BOC: variants seen among roughly 807,000 people sequenced by gnomAD.
BOC encodes BOC cell adhesion associated, oncogene regulated.
In BOC, 76 loss-of-function variants were observed where a neutral mutation model predicts 112.0. The observed-to-expected ratio is 0.68, with a 90% CI of 0.56 to 0.82. BOC has a LOEUF of 0.82. Ranked by LOEUF, BOC falls within the 40% of genes least tolerant of loss-of-function variation. The pLI is 0.00. For missense variants in BOC, 1,309 were observed against 1,511.7 expected, an observed-to-expected ratio of 0.87 and a Z score of 2.22; for synonymous variants, 580 against 599.8, an observed-to-expected ratio of 0.97 and a Z score of 0.48.
At chr3:113,237,118 T>A (rs916954855) in intron 2 of BOC, among the ~76,000 whole-genome samples, 2 of 152,178 alleles carry the variant, frequency 1.3e-5, no homozygotes, top group African/African-American at 2.4e-5. Flanking sequence ...AAATTTGAGA[T>A]GAGACCTAAA....
intron 14 of BOC, 135 bp from the exon 15 acceptor site, chr3:113,280,896 C>A: frequency 1.6e-6 from 2 of 1,227,658 alleles, no homozygotes; most frequent in South Asian, 1.4e-5. Flanking sequence ...CTCCAGCGTT[C>A]CTCCACACGC....
Position 113,279,285 on chromosome 3 carries a change from C to T in BOC, c.1853C>T (p.Ala618Val). ...EAPDRPTIST[A>V]SETSVYVTWI... ...CCCGACAGGCCCACCATCTCCACGG[C>T]CTCCGAGACCTCAGTGTACGTGACC... Residue 618 changes from alanine to valine, a missense_variant, in exon 12 of 20, where the codon GCC (alanine) becomes GTC (valine). Ala to Val is a moderately conservative substitution (Grantham distance 64). Transcript: ENST00000682979. The T allele has an allele frequency of 6.2e-7, 1 of 1,614,182 alleles. No individual in the cohort carries two copies. Among genetic ancestry groups the T allele is most frequent in the Non-Finnish European group, 8.5e-7 (1 of 1,180,026 alleles).
intron 9 of BOC, among the ~76,000 whole-genome samples, chr3:113,275,431 T>C (rs1331198900): frequency 6.6e-6 from 1 of 152,150 alleles, no homozygotes; most frequent in East Asian, 1.9e-4. Flanking sequence ...AGGCCGCCAC[T>C]CTCGCTCAAG....
At chr3:113,236,105 G>A (rs895693018) in intron 2 of BOC, among the ~76,000 whole-genome samples, 1 of 150,924 alleles carries the variant, frequency 6.6e-6, no homozygotes, top group African/African-American at 2.4e-5. Flanking sequence ...AAAAAGATAC[G>A]TGCACTTCTG....
chr3:113,266,797 A>G (rs558263369), intron 4 of BOC, among the ~76,000 whole-genome samples: 5 of 152,350 alleles, frequency 3.3e-5, no homozygotes, highest in East Asian at 3.9e-4. Flanking sequence ...AGGGACATCA[A>G]TCCTTTCACA....
At chr3:113,231,234 G>A (rs774744966) in intron 2 of BOC, among the ~76,000 whole-genome samples, 1 of 152,156 alleles carries the variant, frequency 6.6e-6, no homozygotes, top group African/African-American at 2.4e-5. Context: ...TTACAAAAGC[G>A]ATGCTACATA....
chr3:113,259,881 G>T (rs1036485886), intron 4 of BOC, among the ~76,000 whole-genome samples: 1 of 152,164 alleles, frequency 6.6e-6, no homozygotes, highest in Non-Finnish European at 1.5e-5. Context: ...CTTTCAGAAT[G>T]GTGGTCCCTC....
chr3:113,258,170 C>A (rs1044488484), intron 4 of BOC, among the ~76,000 whole-genome samples: 2 of 152,178 alleles, frequency 1.3e-5, no homozygotes, highest in African/African-American at 4.8e-5. Flanking sequence ...TTTTTAATTT[C>A]TGAGTCCTCA....
rs1476030518 is a variant in BOC, at chr3:113,278,514, A to T, written c.1706-159A>T. ...CCAGCAATAGTACCACAACAGAACC[A>T]GTCTCGGCCGAGGCTGAGCCCACAC... On this transcript the variant is annotated intron_variant, in intron 10 of 19. Transcript: ENST00000682979. The surrounding 1 kb of genome is among the most constrained non-coding windows in gnomAD (Gnocchi z 4.2). Among the ~76,000 whole-genome samples, 1 of 151,968 alleles carries T rather than the reference A, an allele frequency of 6.6e-6. No homozygotes were observed. Among genetic ancestry groups the T allele is most frequent in the Non-Finnish European group, 1.5e-5 (1 of 67,966 alleles).
rs758838020 is a variant in BOC, at chr3:113,270,791, CT to C, written c.524-7del. The C allele has an allele frequency of 1.2e-5, 19 of 1,603,666 alleles. No individual in the cohort carries two copies. The highest frequency in any genetic ancestry group is 1.7e-5 in the Admixed American group (1 of 59,232). On this transcript the variant is annotated splice_polypyrimidine_tract_variant and intron_variant, in intron 5 of 19. Coordinates refer to ENST00000682979, the MANE Select transcript of BOC (RefSeq NM_001378074.1). Reference sequence around the variant, plus strand: ...CATCCCATCTTCCCCTGGCCCTGCCCTTTCCACAGGTAACTACCTGATCATG... The same window carrying C: ...CATCCCATCTTCCCCTGGCCCTGCCCTTCCACAGGTAACTACCTGATCATG...
intron 2 of BOC, among the ~76,000 whole-genome samples, chr3:113,233,151 GTGTGTGT>G (rs1559816873): frequency 0.024 from 1,970 of 81,296 alleles, 71 homozygotes; most frequent in African/African-American, 0.13. Context: ...GGATTGGGGT[GTGTGTGT>G]GTGTGTGTGT....
chr3:113,263,454 G>A (rs546892044), intron 4 of BOC, among the ~76,000 whole-genome samples: 1 of 152,338 alleles, frequency 6.6e-6, no homozygotes, highest in East Asian at 1.9e-4. Flanking sequence ...GCGGATGGTG[G>A]CGTCTTACTT....
At chr3:113,211,345 G>A (rs1938115478), upstream of BOC, 1 of 152,290 alleles carries the variant, frequency 6.6e-6, no homozygotes, top group Non-Finnish European at 1.5e-5. Context: ...GAGAGCGCGG[G>A]TCTGAGGCAC....
chr3:113,274,942 T>G lies in BOC; in HGVS notation c.1542+260T>G, dbSNP rs776771072. ...GCATCCAGTACTAAGCTCTATGCAC[T>G]CAATTCCCAGAAGCTCACACTGGCT... On this transcript the variant is annotated intron_variant, in intron 9 of 19. Transcript: ENST00000682979. This position sits in a 1 kb window ranked among gnomAD's most constrained non-coding sequence, Gnocchi z 4.8. Among the ~76,000 whole-genome samples the G allele has an allele frequency of 5.9e-5, 9 of 152,236 alleles. No individual in the cohort carries two copies. The highest frequency in any genetic ancestry group is 9.6e-5 in the African/African-American group (4 of 41,470).
At chr3:113,218,302 A>G (rs564815661) in intron 2 of BOC, among the ~76,000 whole-genome samples, 1 of 152,352 alleles carries the variant, frequency 6.6e-6, no homozygotes, top group East Asian at 1.9e-4. Flanking sequence ...TGCCTTTACT[A>G]GTCTGAGCTC....
Position 113,279,975 on chromosome 3 carries a change from C to T in BOC, c.2175C>T (p.Val725=). The change falls in exon 13 of 20, where the codon GTC becomes GTT. Residue 725 remains valine (V), a synonymous_variant. Transcript: ENST00000682979. ...AGPYITFTDA[V]NETTIMLKWM... is the part of the protein sequence containing the mutation. ...CTTATATCACCTTCACGGATGCGGT[C>T]AATGAGACCACCATCATGCTCAAGT... The T allele has an allele frequency of 6.2e-7, 1 of 1,611,950 alleles. No individual in the cohort carries two copies. Among genetic ancestry groups the T allele is most frequent in the Non-Finnish European group, 8.5e-7 (1 of 1,178,940 alleles).
chr3:113,236,294 A>ATATACCCATGGG (rs1943525218), intron 2 of BOC, among the ~76,000 whole-genome samples: 5 of 98,918 alleles, frequency 5.1e-5, no homozygotes, highest in African/African-American at 2.6e-4. Flanking sequence ...ATATATATAT[A>ATATACCCATGGG]TATATATATA....
chr3:113,268,746 A>G (rs1415768727), intron 5 of BOC, among the ~76,000 whole-genome samples: 1 of 152,238 alleles, frequency 6.6e-6, no homozygotes, highest in African/African-American at 2.4e-5. Flanking sequence ...AGCTAGGACT[A>G]CAGGCACACG....
chr3:113,236,062 G>A (rs563282931), intron 2 of BOC, among the ~76,000 whole-genome samples: 2 of 151,574 alleles, frequency 1.3e-5, no homozygotes. Context: ...CCGCTATTTA[G>A]TATCTACCCA....
Sources: allele counts gnomAD v4.1 joint callset (sites outside exome capture counted in the v4.1 genomes callset), GRCh38; gene constraint gnomAD v4.1.1; non-coding constraint Gnocchi (gnomAD v3.1); transcripts MANE v1.5; gene names NCBI Gene and HGNC (gene_info 2026-07-23, HGNC 2026-07-21).